The following DHX36 variants were observed in gnomAD, a reference collection of about 807,000 sequenced individuals.
The protein encoded by DHX36 is DEAH-box helicase 36.
Under a neutral mutation model 139.0 loss-of-function variants are expected in DHX36, and 50 were observed. That is an observed-to-expected ratio of 0.36 (90% CI 0.29 to 0.46). DHX36 has a LOEUF of 0.46. Among genes scored for constraint, DHX36 ranks in the 20% least tolerant of loss-of-function variants. The pLI is 1.00. For synonymous variants in DHX36, 425 were observed against 401.9 expected, an observed-to-expected ratio of 1.06 and a Z score of -0.69; for missense variants, 1,024 against 1,211.3, an observed-to-expected ratio of 0.85 and a Z score of 2.29.
chr3:154,277,697 G>A lies in DHX36; in HGVS notation c.2589C>T (p.Thr863=), dbSNP rs755453902. ...KRKMVKVYTK[T]DGLVAVHPKS... ...TAGGATGAACAGCAACCAGGCCATC[G>A]GTTTTTGTGTAAACTTTTACCCTTT... Residue 863 remains threonine, a synonymous_variant, in exon 23 of 25, where the codon ACC becomes ACT. Coordinates refer to ENST00000496811, the MANE Select transcript of DHX36 (RefSeq NM_020865.3). 3.7e-6 allele frequency: 6 copies of A among 1,607,666 alleles called. No individual in the cohort carries two copies. The highest frequency in any genetic ancestry group is 3.3e-5 in the South Asian group (3 of 90,020).
rs554191699 is a variant in DHX36 at position 154,303,987 on chromosome 3, C to T, written c.1136-577G>A. Among the ~76,000 whole-genome samples the T allele has an allele frequency of 2.4e-4, 37 of 152,240 alleles. No individual in the cohort carries two copies. The South Asian group carries it at 7.5e-3, about 31-fold the overall frequency. On this transcript the variant is annotated intron_variant, in intron 8 of 24. Transcript: ENST00000496811. ...AAACATCACATCAGAGGTCAAAATA[C>T]CTAAGTAGGTATCACTGCTCTACCC...
chr3:154,302,806 G>A (rs902301278), intron 9 of DHX36, among the ~76,000 whole-genome samples: 2 of 152,162 alleles, frequency 1.3e-5, no homozygotes, highest in African/African-American at 4.8e-5. Context: ...AGCCAGGCGT[G>A]GTGGCTCACA....
intron 1 of DHX36, among the ~76,000 whole-genome samples, chr3:154,320,365 T>G (rs754817480): frequency 4.4e-4 from 66 of 150,564 alleles, no homozygotes; most frequent in Non-Finnish European, 7.9e-4. Flanking sequence ...ATCCCACCAG[T>G]GTCCTACATT....
chr3:154,277,502 A>C lies in DHX36; in HGVS notation c.2688+96T>G, dbSNP rs1719187218. 30 of 1,324,806 alleles carry C rather than the reference A, an allele frequency of 2.3e-5. 1 individual carries two copies. The South Asian group carries it at 5.2e-4, about 23-fold the overall frequency. 82.1% of individuals were successfully genotyped at this position (1,324,806 alleles called of 1,614,324 possible). ...ACGTCACAGGAATAAGACACAACAAAAAAAAAATTTTGTATATAATTGTTA... is the reference window on the plus strand; with the variant it reads ...ACGTCACAGGAATAAGACACAACAACAAAAAAATTTTGTATATAATTGTTA... On this transcript the variant is annotated intron_variant, in intron 23 of 24. Transcript: ENST00000496811.
At position 154,324,477 on chromosome 3, in the gene DHX36, G is replaced by T; in HGVS notation, c.-61C>A. On this transcript the variant is annotated 5_prime_UTR_variant, in exon 1 of 25. Transcript: ENST00000496811. Reference sequence around the variant, plus strand: ...CCGCTGGAAATGGCGTCCGGGCCCGGAAGCCACTGTGCGCCCACTTCCGTT... The same window carrying T: ...CCGCTGGAAATGGCGTCCGGGCCCGTAAGCCACTGTGCGCCCACTTCCGTT... 7.0e-7 allele frequency: 1 copy of T among 1,436,042 alleles called. No individual in the cohort carries two copies. Among genetic ancestry groups the T allele is most frequent in the Non-Finnish European group, 9.1e-7 (1 of 1,098,864 alleles). 89.0% of individuals were successfully genotyped at this position (1,436,042 alleles called of 1,614,324 possible). A position where few individuals can be genotyped will look rare whatever the true frequency, so the allele number is the denominator to read the frequency against.
Position 154,275,981 on chromosome 3 carries a change from T to C in DHX36, c.*190A>G, listed in dbSNP as rs868084327. On this transcript the variant is annotated 3_prime_UTR_variant, in exon 25 of 25. Transcript: ENST00000496811. ...CAGAGAACATATTGCTTTTATGGTA[T>C]ATATATATATATATATATATCTCTA... is the stretch of plus-strand genomic sequence containing the variant. 3 of 67,792 alleles carry C rather than the reference T, an allele frequency of 4.4e-5. No homozygotes were observed. Among genetic ancestry groups the C allele is most frequent in the Middle Eastern group, 6.2e-3 (1 of 162 alleles). The allele number at this position is 67,792 out of a possible 1,614,324, so 4.2% of individuals were successfully genotyped here.
At chr3:154,296,405 C>A (rs547946024) in intron 12 of DHX36, among the ~76,000 whole-genome samples, 1 of 152,110 alleles carries the variant, frequency 6.6e-6, no homozygotes, top group East Asian at 1.9e-4. Context: ...ACCTGGGAGG[C>A]GGAGCTTGCA....
Position 154,280,782 on chromosome 3 carries a change from T to G in DHX36, c.2457A>C (p.Pro819=). ...CTGTACCTGAATTTATATTAGATTC[T>G]GGATCTTTAGGATTTCTACTGCTTA... ...GFVSSRNPKD[P]ESNINSDNEK... Residue 819 remains proline, a synonymous_variant, in exon 21 of 25, where the codon CCA becomes CCC. Coordinates refer to ENST00000496811, the MANE Select transcript of DHX36 (RefSeq NM_020865.3). The G allele has an allele frequency of 2.5e-6, 4 of 1,613,536 alleles. No individual in the cohort carries two copies. The highest frequency in any genetic ancestry group is 3.4e-6 in the Non-Finnish European group (4 of 1,179,642).
At chr3:154,304,380 T>C in intron 8 of DHX36, among the ~76,000 whole-genome samples, 1 of 152,138 alleles carries the variant, frequency 6.6e-6, no homozygotes, top group East Asian at 1.9e-4. Context: ...AACTACCTCA[T>C]AAAGTGTTAT....
Position 154,304,942 on chromosome 3 carries a change from A to G in DHX36, c.999T>C (p.Leu333=). ...GCAGATTTCTTTCATGGATTTCATC[A>G]AGTACGATATGACTAACACTGGACA... ...PYLSSVSHIV[L]DEIHERNLQS... is the part of the protein sequence containing the mutation. The change falls in exon 8 of 25, where the codon CTT becomes CTC. Residue 333 remains leucine, a synonymous_variant. Transcript: ENST00000496811. 1 of 1,610,384 alleles carries G rather than the reference A, an allele frequency of 6.2e-7. No individual in the cohort carries two copies. Among genetic ancestry groups the G allele is most frequent in the Admixed American group, 1.7e-5 (1 of 59,144 alleles).
intron 1 of DHX36, among the ~76,000 whole-genome samples, chr3:154,318,861 T>C (rs1019360365): frequency 3.9e-5 from 6 of 152,224 alleles, no homozygotes; most frequent in African/African-American, 1.4e-4. Flanking sequence ...CTCCATATCC[T>C]ATACTTCTTG....
At chr3:154,305,207 C>A (rs1168933815) in intron 6 of DHX36, 39 bp from the exon 7 acceptor site, 2 of 1,541,114 alleles carry the variant, frequency 1.3e-6, no homozygotes, top group Middle Eastern at 1.7e-4. Context: ...CCTTGGTTTT[C>A]TCTTCTAATA....
chr3:154,291,753 T>C (rs1711820809), intron 15 of DHX36, among the ~76,000 whole-genome samples: 1 of 152,180 alleles, frequency 6.6e-6, no homozygotes, highest in South Asian at 2.1e-4. Context: ...TTAATGGAAA[T>C]CTCTCATTCT....
intron 20 of DHX36, 99 bp from the exon 21 acceptor site, chr3:154,280,961 C>T (rs1176840615): frequency 6.8e-6 from 6 of 879,714 alleles, no homozygotes; most frequent in Non-Finnish European, 1.0e-5. Context: ...GCTATCCCTG[C>T]TTTATGAAAA....
intron 13 of DHX36, 65 bp from the exon 14 acceptor site, chr3:154,293,877 T>TCCTCTAATTACA: frequency 8.4e-7 from 1 of 1,187,340 alleles, no homozygotes; most frequent in Middle Eastern, 2.2e-4. Context: ...TATTTGTAAT[T>TCCTCTAATTACA]AGAGGAATTA....
chr3:154,285,069 A>C, intron 17 of DHX36, 82 bp from the exon 18 acceptor site: 1 of 1,391,810 alleles, frequency 7.2e-7, no homozygotes, highest in Non-Finnish European at 9.9e-7. Context: ...TAAAAAGAGT[A>C]ACAAGCCACT....
At chr3:154,294,694 A>G (rs1162619294) in intron 13 of DHX36, among the ~76,000 whole-genome samples, 1 of 152,150 alleles carries the variant, frequency 6.6e-6, no homozygotes, top group Non-Finnish European at 1.5e-5. Context: ...TAAAAAGAGA[A>G]AAGGATAAAC....
At chr3:154,286,690 C>T (rs1017464600) in intron 17 of DHX36, among the ~76,000 whole-genome samples, 5 of 152,000 alleles carry the variant, frequency 3.3e-5, no homozygotes, top group African/African-American at 1.2e-4. Context: ...GTAAAGATGT[C>T]AGTTCTCCCC....
chr3:154,319,662 A>G (rs1713116921), intron 1 of DHX36, among the ~76,000 whole-genome samples: 1 of 152,160 alleles, frequency 6.6e-6, no homozygotes. Flanking sequence ...TAACCTCTCC[A>G]GTAGACATTA....
Sources: gnomAD v4.1 joint callset for allele counts (sites outside exome capture counted in the v4.1 genomes callset) on GRCh38, gnomAD v4.1.1 for gene constraint, MANE v1.5 for transcripts, NCBI Gene and HGNC (gene_info 2026-07-23, HGNC 2026-07-21) for gene names.